HHAT: variants seen among roughly 807,000 people sequenced by gnomAD.
HHAT encodes protein-cysteine N-palmitoyltransferase HHAT.
In HHAT, 47 loss-of-function variants were observed where a neutral mutation model predicts 70.8. That is an observed-to-expected ratio of 0.66 (90% CI 0.53 to 0.85). The LOEUF is 0.85. HHAT is among the 40% of genes least tolerant of loss of function. HHAT has a pLI of 0.00. For missense variants in HHAT, 609 were observed against 604.8 expected, an observed-to-expected ratio of 1.01 and a Z score of -0.07; for synonymous variants, 228 against 247.6, an observed-to-expected ratio of 0.92 and a Z score of 0.74.
chr1:210,490,333 T>C (rs1288754120), intron 8 of HHAT, among the ~76,000 whole-genome samples: 1 of 152,228 alleles, frequency 6.6e-6, no homozygotes, highest in Non-Finnish European at 1.5e-5. Flanking sequence ...ATCTCATACA[T>C]TTCTGCCACC....
intron 8 of HHAT, among the ~76,000 whole-genome samples, chr1:210,500,319 G>T (rs74156187): frequency 0.018 from 2,811 of 152,300 alleles, 69 homozygotes; most frequent in African/African-American, 0.056. Context: ...AAATATACAT[G>T]CAGGAAGATG....
At position 210,674,514 on chromosome 1, in the gene HHAT, G is replaced by A. The variant is rs1050353354; in HGVS notation, c.*135G>A. The stretch of plus-strand genomic sequence containing the variant: ...AGTTGAATGCCCTCACTCCAAGACT[G>A]GATGCTGGATCTCATAGAAAATTCA... On this transcript the variant is annotated 3_prime_UTR_variant, in exon 12 of 12. Transcript: ENST00000261458. 1.3e-5 allele frequency: 8 copies of A among 613,912 alleles called. No individual in the cohort carries two copies. The highest frequency in any genetic ancestry group is 2.3e-5 in the Non-Finnish European group (8 of 354,224). The allele number at this position is 613,912 out of a possible 1,614,324, so 38.0% of individuals were successfully genotyped here.
intron 11 of HHAT, among the ~76,000 whole-genome samples, chr1:210,631,930 C>T (rs533766042): frequency 8.5e-5 from 13 of 152,282 alleles, no homozygotes; most frequent in South Asian, 8.3e-4. Flanking sequence ...GAAACAAAGA[C>T]GGAAAAAAGC....
At chr1:210,470,781 G>A (rs1445690746) in intron 8 of HHAT, among the ~76,000 whole-genome samples, 11 of 152,140 alleles carry the variant, frequency 7.2e-5, no homozygotes, top group Non-Finnish European at 4.4e-5. Flanking sequence ...AGTGTTTGAG[G>A]CCACAGATCT....
At chr1:210,397,645 A>G (rs1387508625) in intron 4 of HHAT, among the ~76,000 whole-genome samples, 1 of 151,986 alleles carries the variant, frequency 6.6e-6, no homozygotes, top group Non-Finnish European at 1.5e-5. Context: ...TACTTAAGAG[A>G]GAAAAAAGGT....
chr1:210,615,665 C>G (rs573979460), intron 10 of HHAT, among the ~76,000 whole-genome samples: 42 of 152,252 alleles, frequency 2.8e-4, no homozygotes, highest in Non-Finnish European at 5.9e-4. Context: ...AGTCAGGACC[C>G]TCAGCTGCAG....
At chr1:210,650,361 G>A (rs1674886521) in intron 11 of HHAT, among the ~76,000 whole-genome samples, 1 of 152,184 alleles carries the variant, frequency 6.6e-6, no homozygotes, top group African/African-American at 2.4e-5. Flanking sequence ...GTGGCTGGGA[G>A]TTCTGGCTCC....
At chr1:210,357,199 C>T (rs1375661144) in intron 2 of HHAT, among the ~76,000 whole-genome samples, 2 of 152,166 alleles carry the variant, frequency 1.3e-5, no homozygotes, top group Non-Finnish European at 2.9e-5. Flanking sequence ...CTGGCATTTT[C>T]CTCCTGGGTT....
intron 8 of HHAT, among the ~76,000 whole-genome samples, chr1:210,474,373 C>T (rs937928036): frequency 1.3e-5 from 2 of 152,218 alleles, no homozygotes; most frequent in Non-Finnish European, 2.9e-5. Context: ...TCACTGCAAC[C>T]GCCACCTTCT....
At chr1:210,500,101 G>T (rs1397876661) in intron 8 of HHAT, among the ~76,000 whole-genome samples, 1 of 152,160 alleles carries the variant, frequency 6.6e-6, no homozygotes, top group East Asian at 1.9e-4. Context: ...AAAGCAGTTG[G>T]GTTTGGGTTA....
At chr1:210,328,873 G>A, upstream of HHAT, 1 of 508,698 alleles carries the variant, frequency 2.0e-6, no homozygotes, top group Non-Finnish European at 3.0e-6. Context: ...AGCGCCGCGG[G>A]TTCCCGAGTC....
intron 2 of HHAT, among the ~76,000 whole-genome samples, chr1:210,352,392 G>T (rs187186377): frequency 1.3e-5 from 2 of 152,236 alleles, no homozygotes; most frequent in Admixed American, 1.3e-4. Context: ...GAGCCTTCTT[G>T]GTTCCTCATC....
At chr1:210,636,842 A>G (rs962077089) in intron 11 of HHAT, among the ~76,000 whole-genome samples, 11 of 152,294 alleles carry the variant, frequency 7.2e-5, no homozygotes, top group Admixed American at 3.3e-4. Flanking sequence ...TAGTGAATTC[A>G]TATTGAATTG....
chr1:210,417,179 AGTGAAACTCAATATT>A (rs2092747341), intron 6 of HHAT, among the ~76,000 whole-genome samples: 1 of 152,214 alleles, frequency 6.6e-6, no homozygotes, highest in African/African-American at 2.4e-5. Context: ...GAGTTTATGG[AGTGAAACTCAATATT>A]GTTTTGATGG....
chr1:210,584,642 G>A (rs1230627390), intron 9 of HHAT, among the ~76,000 whole-genome samples: 2 of 152,134 alleles, frequency 1.3e-5, no homozygotes, highest in East Asian at 1.9e-4. Context: ...CCTTGGCTCA[G>A]TGCCCAACCT....
chr1:210,460,236 G>A (rs1294013156), intron 7 of HHAT, among the ~76,000 whole-genome samples: 4 of 151,898 alleles, frequency 2.6e-5, no homozygotes, highest in Non-Finnish European at 5.9e-5. Flanking sequence ...TACTCTTGCT[G>A]GGGGAGTGGC....
intron 10 of HHAT, chr1:210,588,589 G>C (rs1230776468): frequency 6.5e-6 from 1 of 153,170 alleles, no homozygotes; most frequent in Admixed American, 6.5e-5. Flanking sequence ...CCTATTATTA[G>C]TAATCATATT....
chr1:210,601,051 G>T (rs931469271), intron 10 of HHAT, among the ~76,000 whole-genome samples: 1 of 151,918 alleles, frequency 6.6e-6, no homozygotes. Flanking sequence ...GAAAACCACC[G>T]AGAATCAGTC....
chr1:210,526,400 C>T (rs2095250490), intron 9 of HHAT, among the ~76,000 whole-genome samples: 1 of 118,356 alleles, frequency 8.4e-6, no homozygotes, highest in South Asian at 2.5e-4. Context: ...AACTAATATA[C>T]TTACCTGATG....
Sources: allele counts gnomAD v4.1 joint callset (sites outside exome capture counted in the v4.1 genomes callset), GRCh38; gene constraint gnomAD v4.1.1; transcripts MANE v1.5; gene names NCBI Gene and HGNC (gene_info 2026-07-23, HGNC 2026-07-21).